Variants in CD300LD observed in about 807,000 individuals in gnomAD.
CD300LD encodes the protein CMRF35-like molecule 5.
Under a neutral mutation model 20.3 loss-of-function variants are expected in CD300LD, and 18 were observed. The observed-to-expected ratio is 0.89, with a 90% CI of 0.61 to 1.32. CD300LD has a LOEUF of 1.32. Ranked by LOEUF, CD300LD falls within the 40% of genes most tolerant of loss-of-function variation. CD300LD has a pLI of 0.00. For synonymous variants in CD300LD, 104 were observed against 90.1 expected, an observed-to-expected ratio of 1.15 and a Z score of -0.87; for missense variants, 195 against 226.6, an observed-to-expected ratio of 0.86 and a Z score of 0.90.
chr17:74,583,137 C>T (rs544684422), intron 2 of CD300LD, among the ~76,000 whole-genome samples: 1 of 152,270 alleles, frequency 6.6e-6, no homozygotes, highest in African/African-American at 2.4e-5. Context: ...TCCCCATGCC[C>T]GCCCTCCCCC....
downstream of CD300LD, among the ~76,000 whole-genome samples, chr17:74,579,186 C>T (rs1263255532): frequency 6.6e-6 from 1 of 152,240 alleles, no homozygotes; most frequent in Non-Finnish European, 1.5e-5. Flanking sequence ...GCCCGGAAAC[C>T]TCTGCTCTCT....
At chr17:74,589,684 G>T (rs2030259586) in intron 1 of CD300LD, among the ~76,000 whole-genome samples, 1 of 152,230 alleles carries the variant, frequency 6.6e-6, no homozygotes, top group Admixed American at 6.5e-5. Context: ...AATACCTTAA[G>T]TGAGAGCTTT....
rs373955929 is a variant in CD300LD, at chr17:74,588,686, A to G, written c.204T>C (p.Asn68=). Reference sequence around the variant, plus strand: ...TCTTCTTTACCTCCTGCTCTGATCCATTTGTTTTAACAAGGATGTTACAGT... The same window carrying G: ...TCTTCTTTACCTCCTGCTCTGATCCGTTTGTTTTAACAAGGATGTTACAGT... ...WNYCNILVKT[N]GSEQEVKKNR... The change falls in exon 2 of 4, where the codon AAT becomes AAC. Residue 68 remains asparagine, a synonymous_variant. Coordinates refer to ENST00000375352, the MANE Select transcript of CD300LD (RefSeq NM_001115152.2). The G allele has an allele frequency of 5.6e-5, 90 of 1,614,114 alleles. No homozygotes were observed. Among genetic ancestry groups the G allele is most frequent in the Middle Eastern group, 3.3e-4 (2 of 6,062 alleles).
At chr17:74,586,542 C>T (rs1568022950) in intron 2 of CD300LD, among the ~76,000 whole-genome samples, 2 of 152,084 alleles carry the variant, frequency 1.3e-5, no homozygotes, top group Non-Finnish European at 2.9e-5. Flanking sequence ...GGACCCGGGC[C>T]CTATAAACAA....
At chr17:74,578,914 A>G (rs2029973945), downstream of CD300LD, among the ~76,000 whole-genome samples, 1 of 152,216 alleles carries the variant, frequency 6.6e-6, no homozygotes, top group Non-Finnish European at 1.5e-5. Context: ...CCCAGCTCAC[A>G]GTTCTAGCTC....
At chr17:74,582,691 C>T (rs2030063153) in intron 2 of CD300LD, among the ~76,000 whole-genome samples, 1 of 152,064 alleles carries the variant, frequency 6.6e-6, no homozygotes, top group Non-Finnish European at 1.5e-5. Context: ...CCTCGCTGAG[C>T]CACTTCTGGA....
At chr17:74,590,498 T>C (rs2030284660) in intron 1 of CD300LD, 1 of 150,958 alleles carries the variant, frequency 6.6e-6, no homozygotes, top group South Asian at 2.1e-4. Flanking sequence ...TAGACTTCAT[T>C]GGAATGTCTT....
chr17:74,588,488 C>A lies in CD300LD; in HGVS notation c.379+23G>T, dbSNP rs1205889870. On this transcript the variant is annotated intron_variant, in intron 2 of 3. Coordinates refer to ENST00000375352, the MANE Select transcript of CD300LD (RefSeq NM_001115152.2). ...GACAGAGCAGGACCTGAGAGACACA[C>A]ACGTATATACACTCCCTCTTACCTG... 2.0e-6 allele frequency: 3 copies of A among 1,501,918 alleles called. No individual in the cohort carries two copies. In the East Asian group the frequency reaches 6.8e-5, roughly 34 times the overall value. The allele number at this position is 1,501,918 out of a possible 1,614,324, so 93.0% of individuals were successfully genotyped here. A position where few individuals can be genotyped will look rare whatever the true frequency, so the allele number is the denominator to read the frequency against.
intron 3 of CD300LD, 118 bp from the exon 4 acceptor site, chr17:74,580,231 C>A: frequency 4.4e-6 from 3 of 689,422 alleles, no homozygotes; most frequent in Non-Finnish European, 7.7e-6. Context: ...CCTGGAACCC[C>A]AGACAGGCCA....
In CD300LD at chr17:74,592,223, C is replaced by T. The variant is rs1304122782; in HGVS notation, c.-21G>A. 1.2e-6 allele frequency: 2 copies of T among 1,614,142 alleles called. No homozygotes were observed. The highest frequency in any genetic ancestry group is 2.2e-5 in the East Asian group (1 of 44,882). ...CACATGGTCCTGTCTCCTCTCCTCT[C>T]CTTGGTGATCACAGGTGTCTGGTGC... On this transcript the variant is annotated 5_prime_UTR_variant, in exon 1 of 4. Transcript: ENST00000375352.
At chr17:74,589,681 T>G (rs1456775506) in intron 1 of CD300LD, among the ~76,000 whole-genome samples, 1 of 150,998 alleles carries the variant, frequency 6.6e-6, no homozygotes, top group African/African-American at 2.4e-5. Context: ...GGAAATACCT[T>G]AAGTGAGAGC....
chr17:74,579,926 T>C lies in CD300LD; in HGVS notation c.*76A>G. 2 of 826,204 alleles carry C rather than the reference T, an allele frequency of 2.4e-6. No homozygotes were observed. Among genetic ancestry groups the C allele is most frequent in the Non-Finnish European group, 2.0e-6 (1 of 499,968 alleles). The allele number at this position is 826,204 out of a possible 1,614,324, so 51.2% of individuals were successfully genotyped here. A position where few individuals can be genotyped will look rare whatever the true frequency, so the allele number is the denominator to read the frequency against. On this transcript the variant is annotated 3_prime_UTR_variant, in exon 4 of 4. Coordinates refer to ENST00000375352, the MANE Select transcript of CD300LD (RefSeq NM_001115152.2). ...AGAGAAAAGAAAATGTTTTTTCTTC[T>C]GTGGGAGGGCCTTTCGCCCTGGACA...
rs777015959 is a variant in CD300LD at position 74,588,669 on chromosome 17, A to T, written c.221T>A (p.Val74Glu). 2 of 1,613,756 alleles carry T rather than the reference A, an allele frequency of 1.2e-6. No individual in the cohort carries two copies. ...LVKTNGSEQE[V>E]KKNRVSIRDN... ...CCTGATGGAAACTCGATTCTTCTTT[A>T]CCTCCTGCTCTGATCCATTTGTTTT... is the stretch of plus-strand genomic sequence containing the variant. Residue 74 changes from valine (V) to glutamate (E), a missense_variant, in exon 2 of 4, where the codon GTA becomes GAA. Val to Glu is a moderately radical substitution (Grantham distance 121). Coordinates refer to ENST00000375352, the MANE Select transcript of CD300LD (RefSeq NM_001115152.2).
chr17:74,588,331 G>C (rs1356817834), intron 2 of CD300LD, among the ~76,000 whole-genome samples, 180 bp downstream of exon 2: 1 of 152,074 alleles, frequency 6.6e-6, no homozygotes, highest in Non-Finnish European at 1.5e-5. Context: ...GCCACATTGG[G>C]GATTAAGTTT....
chr17:74,579,359 A>T (rs559125228), downstream of CD300LD: 1 of 152,232 alleles, frequency 6.6e-6, no homozygotes, highest in African/African-American at 2.4e-5. Context: ...CAGACCTGAG[A>T]TCACGAATGT....
At chr17:74,591,140 A>G (rs1466203723) in intron 1 of CD300LD, among the ~76,000 whole-genome samples, 1 of 151,752 alleles carries the variant, frequency 6.6e-6, no homozygotes, top group Non-Finnish European at 1.5e-5. Context: ...GAAGCCAGGC[A>G]TGGTGGCTCA....
chr17:74,581,447 GGCTA>G lies in CD300LD; in HGVS notation c.473+767_473+770del, dbSNP rs2030034994. ...ACAGCAGGCCGTGATGGAACCCAAC[GGCTA>G]GCTATCAGGTGCCGACCTCTGGGGA... On this transcript the variant is annotated intron_variant, in intron 3 of 3. Transcript: ENST00000375352. Among the ~76,000 whole-genome samples, 5 of 152,300 alleles carry G rather than the reference GGCTA, an allele frequency of 3.3e-5. No individual in the cohort carries two copies. The South Asian group carries it at 1.0e-3, about 32-fold the overall frequency.
At chr17:74,583,049 A>T (rs1052462263) in intron 2 of CD300LD, among the ~76,000 whole-genome samples, 5 of 152,156 alleles carry the variant, frequency 3.3e-5, no homozygotes, top group Non-Finnish European at 7.4e-5. Context: ...ATTTAAAGAG[A>T]ACAATATGTT....
chr17:74,589,492 C>T (rs1346288741), intron 1 of CD300LD, among the ~76,000 whole-genome samples: 1 of 152,202 alleles, frequency 6.6e-6, no homozygotes, highest in Non-Finnish European at 1.5e-5. Flanking sequence ...ACCCATTCAA[C>T]ACCCTTCTGC....
Sources: allele counts gnomAD v4.1 joint callset (sites outside exome capture counted in the v4.1 genomes callset), GRCh38; gene constraint gnomAD v4.1.1; transcripts MANE v1.5; gene names NCBI Gene and HGNC (gene_info 2026-07-23, HGNC 2026-07-21).